The following RHOBTB2 variants were observed in gnomAD, a reference collection of about 807,000 sequenced individuals.
RHOBTB2 encodes the protein Rho related BTB domain containing 2, also known as rho-related BTB domain-containing protein 2.
A neutral mutation model predicts 66.5 loss-of-function variants in RHOBTB2; 39 were observed. That is an observed-to-expected ratio of 0.59 (90% confidence interval 0.45 to 0.77). The LOEUF (loss-of-function observed/expected upper bound fraction) is 0.77. Among genes scored for constraint, RHOBTB2 ranks in the 30% least tolerant of loss-of-function variants. RHOBTB2 has a pLI of 0.00. For missense variants in RHOBTB2, 755 were observed against 999.1 expected (o/e 0.76, Z 3.29); for synonymous variants, 390 against 395.0 (o/e 0.99, Z 0.15).
intron 6 of RHOBTB2, among the ~76,000 whole-genome samples, chr8:23,009,092 T>C (rs1811057302): frequency 6.8e-6 from 1 of 147,980 alleles, no homozygotes; most frequent in South Asian, 2.1e-4. Context: ...GGGGCTGAGG[T>C]GGGAGGATTG....
At chr8:23,007,921 T>A in intron 5 of RHOBTB2, 72 bp from the exon 6 acceptor site, 1 of 1,511,070 alleles carries the variant, frequency 6.6e-7, no homozygotes, top group Non-Finnish European at 9.2e-7. Context: ...AGGAGGAGGC[T>A]CCGTGGCTCC....
intron 7 of RHOBTB2, among the ~76,000 whole-genome samples, chr8:23,012,439 A>G (rs1016618413): frequency 6.6e-6 from 1 of 152,258 alleles, no homozygotes; most frequent in African/African-American, 2.4e-5. Context: ...AAAAATGTTT[A>G]TATCTGCCTT....
chr8:22,994,814 G>A (rs564596336), upstream of RHOBTB2, among the ~76,000 whole-genome samples: 18 of 152,338 alleles, frequency 1.2e-4, no homozygotes, highest in Non-Finnish European at 1.9e-4. Context: ...CCACTGCACT[G>A]GAGTGCAATG....
At chr8:22,958,491 A>G in the RHOBTB2 span, among the ~76,000 whole-genome samples, 1 of 152,104 alleles carries the variant, frequency 6.6e-6, no homozygotes, top group Non-Finnish European at 1.5e-5. Context: ...GACACATATG[A>G]AATTAGTTAC....
chr8:23,006,211 C>T lies in RHOBTB2; in HGVS notation c.482+66C>T. The T allele has an allele frequency of 7.1e-7, 1 of 1,409,330 alleles. No individual in the cohort carries two copies. The highest frequency in any genetic ancestry group is 9.7e-7 in the Non-Finnish European group (1 of 1,026,136). The allele number at this position is 1,409,330 out of a possible 1,614,324, so 87.3% of individuals were successfully genotyped here. ...GCCTCACCATGGCTCCCTGCTCAGC[C>T]CTGGGGGAATTCCACTGAGCCTCAT... On this transcript the variant is annotated intron_variant, in intron 4 of 9. Coordinates refer to ENST00000251822, the MANE Select transcript of RHOBTB2 (RefSeq NM_015178.3). The surrounding 1 kb of genome is among the most constrained non-coding windows in gnomAD (Gnocchi z 6.1).
In RHOBTB2 at chr8:23,006,341, A is replaced by G. The variant is rs756307753; in HGVS notation, c.482+196A>G. On this transcript the variant is annotated intron_variant, in intron 4 of 9. Coordinates refer to ENST00000251822, the MANE Select transcript of RHOBTB2 (RefSeq NM_015178.3). This position sits in a 1 kb window ranked among gnomAD's most constrained non-coding sequence, Gnocchi z 6.1. ...GCACACCTCTGGTGTGGGCAGTGCT[A>G]TGTAAAGCATCATGAAGAAAAATAG... 200 of 573,906 alleles carry G rather than the reference A, an allele frequency of 3.5e-4. 1 individual carries two copies. Among genetic ancestry groups the G allele is most frequent in the Non-Finnish European group, 3.1e-5 (10 of 324,974 alleles). The allele number at this position is 573,906 out of a possible 1,614,324, so 35.6% of individuals were successfully genotyped here.
At chr8:22,952,475 C>G in the RHOBTB2 span, among the ~76,000 whole-genome samples, 1 of 152,188 alleles carries the variant, frequency 6.6e-6, no homozygotes, top group African/African-American at 2.4e-5. Context: ...TTTCTTTATA[C>G]TGTTACCAGC....
chr8:23,004,815 G>A lies in RHOBTB2; in HGVS notation c.192+189G>A, dbSNP rs986078198. On this transcript the variant is annotated intron_variant, in intron 2 of 9. Transcript: ENST00000251822. The surrounding 1 kb of genome is among the most constrained non-coding windows in gnomAD (Gnocchi z 6.4). ...TAAGCCAAGTCTGCCCCAGGGAAGT[G>A]TCTCTGGCTGGTTGTGTTTTCAGGG... is the stretch of plus-strand genomic sequence containing the variant. 2 of 616,122 alleles carry A rather than the reference G, an allele frequency of 3.2e-6. No homozygotes were observed. Among genetic ancestry groups the A allele is most frequent in the African/African-American group, 1.8e-5 (1 of 54,302 alleles). 38.2% of individuals were successfully genotyped at this position (616,122 alleles called of 1,614,324 possible). A position where few individuals can be genotyped will look rare whatever the true frequency, so the allele number is the denominator to read the frequency against.
chr8:23,012,737 G>C (rs1042315245), intron 7 of RHOBTB2, among the ~76,000 whole-genome samples: 10 of 152,204 alleles, frequency 6.6e-5, no homozygotes, highest in Admixed American at 3.3e-4. Context: ...TCCCAACTCA[G>C]CTTCCCAAGT....
At chr8:23,002,213 T>C (rs1810805326) in intron 1 of RHOBTB2, among the ~76,000 whole-genome samples, 2 of 152,226 alleles carry the variant, frequency 1.3e-5, no homozygotes, top group Admixed American at 1.3e-4. Flanking sequence ...GCACATATTT[T>C]GTATTTGGGA....
the RHOBTB2 span, among the ~76,000 whole-genome samples, chr8:22,971,822 C>T: frequency 2.0e-5 from 3 of 152,182 alleles, no homozygotes; most frequent in African/African-American, 7.2e-5. Context: ...ATAACCTCCA[C>T]TCTTCTCCTG....
Position 23,020,107 on chromosome 8 carries a change from G to C in RHOBTB2, c.*2638G>C, listed in dbSNP as rs1388433505. 2.7e-6 allele frequency: 1 copy of C among 370,822 alleles called. No homozygotes were observed. Among genetic ancestry groups the C allele is most frequent in the East Asian group, 7.3e-5 (1 of 13,740 alleles). 23.0% of individuals were successfully genotyped at this position (370,822 alleles called of 1,614,324 possible). A position where few individuals can be genotyped will look rare whatever the true frequency, so the allele number is the denominator to read the frequency against. ...GATTCACAGGAGGAGGGGAGGTTGG[G>C]GGGCGGGAGACAAAAACCACACCTC... On this transcript the variant is annotated 3_prime_UTR_variant, in exon 10 of 10. Coordinates refer to ENST00000251822, the MANE Select transcript of RHOBTB2 (RefSeq NM_015178.3).
the RHOBTB2 span, among the ~76,000 whole-genome samples, chr8:22,969,929 T>C: frequency 6.6e-6 from 1 of 152,064 alleles, no homozygotes; most frequent in Admixed American, 6.6e-5. Context: ...TTTTTCTATT[T>C]TTTGTAGAGA....
At chr8:22,957,967 C>T in the RHOBTB2 span, among the ~76,000 whole-genome samples, 6 of 152,120 alleles carry the variant, frequency 3.9e-5, no homozygotes, top group East Asian at 1.9e-4. Context: ...TAATCCTAAA[C>T]GGGTCCTGTG....
At chr8:22,962,648 C>T in the RHOBTB2 span, among the ~76,000 whole-genome samples, 1 of 152,214 alleles carries the variant, frequency 6.6e-6, no homozygotes, top group African/African-American at 2.4e-5. Flanking sequence ...GATGAAGCCA[C>T]TGAGAACAAC....
In RHOBTB2 at chr8:23,005,841, C is replaced by G. The variant is rs147494817; in HGVS notation, c.297-119C>G. 565 of 862,100 alleles carry G rather than the reference C, an allele frequency of 6.6e-4. 1 individual carries two copies. The highest frequency in any genetic ancestry group is 2.1e-3 in the Middle Eastern group (9 of 4,356). 53.4% of individuals were successfully genotyped at this position (862,100 alleles called of 1,614,324 possible). ...GATTATATGTTTTGTGTCAAGAGCACGTGAGCAGATACCTAAGCCAGGTGT... is the reference window on the plus strand; with the variant it reads ...GATTATATGTTTTGTGTCAAGAGCAGGTGAGCAGATACCTAAGCCAGGTGT... On this transcript the variant is annotated intron_variant, in intron 3 of 9. Transcript: ENST00000251822.
intron 1 of RHOBTB2, among the ~76,000 whole-genome samples, chr8:23,002,581 C>G (rs775308563): frequency 3.9e-5 from 6 of 152,090 alleles, no homozygotes; most frequent in Non-Finnish European, 8.8e-5. Flanking sequence ...TCCCAGCTAC[C>G]TGGGAGGCTG....
rs115546191 is a variant in RHOBTB2, at chr8:22,994,338, G to A, written c.-23-223G>A. The stretch of plus-strand genomic sequence containing the variant: ...CATGATGCACCAGGACCCCAGTTTC[G>A]GCCTCTCATCTAGTCCCTTGACTCC... On this transcript the variant is annotated intron_variant, in intron 2 of 11. Coordinates refer to the RHOBTB2 transcript ENST00000519685. Among the ~76,000 whole-genome samples the A allele has an allele frequency of 4.6e-3, 704 of 152,280 alleles. 4 individuals are homozygous for A. Among genetic ancestry groups the A allele is most frequent in the African/African-American group, 0.016 (659 of 41,548 alleles).
chr8:23,003,517 A>G (rs530944910), intron 1 of RHOBTB2, among the ~76,000 whole-genome samples: 1 of 152,332 alleles, frequency 6.6e-6, no homozygotes, highest in East Asian at 1.9e-4. Flanking sequence ...CCTGAGGATC[A>G]TCCTCCCTAG....
Sources: allele counts gnomAD v4.1 joint callset (sites outside exome capture counted in the v4.1 genomes callset), GRCh38; gene constraint gnomAD v4.1.1; non-coding constraint Gnocchi (gnomAD v3.1); transcripts MANE v1.5; gene names NCBI Gene and HGNC (gene_info 2026-07-23, HGNC 2026-07-21).